The following STXBP6 variants were observed in gnomAD, a reference collection of about 807,000 sequenced individuals.
STXBP6 encodes syntaxin binding protein 6, also known as syntaxin-binding protein 6.
Under a neutral mutation model 26.9 loss-of-function variants are expected in STXBP6, and 21 were observed. That is an observed-to-expected ratio of 0.78 (90% CI 0.55 to 1.12). The LOEUF (loss-of-function observed/expected upper bound fraction) is 1.12, where lower values mean the gene tolerates loss of function less well. Among genes scored for constraint, STXBP6 ranks in the 50% most tolerant of loss-of-function variants. The pLI is 0.00. For synonymous variants in STXBP6, 97 were observed against 92.6 expected, an observed-to-expected ratio of 1.05 and a Z score of -0.27; for missense variants, 232 against 257.9, an observed-to-expected ratio of 0.90 and a Z score of 0.69.
chr14:24,951,874 T>C (rs181667364), intron 2 of STXBP6, among the ~76,000 whole-genome samples: 6 of 152,160 alleles, frequency 3.9e-5, no homozygotes, highest in African/African-American at 1.4e-4. Context: ...GAAAAACAAT[T>C]TTTATACTTT....
At chr14:25,010,450 T>C (rs2075002675) in intron 1 of STXBP6, 1 of 152,234 alleles carries the variant, frequency 6.6e-6, no homozygotes, top group Admixed American at 6.5e-5. Context: ...ATTTTATACT[T>C]AAATAAATAA....
chr14:24,991,539 T>G (rs540323393), intron 1 of STXBP6, among the ~76,000 whole-genome samples: 1 of 152,178 alleles, frequency 6.6e-6, no homozygotes, highest in Non-Finnish European at 1.5e-5. Context: ...CAGAGAACTT[T>G]CATTGCCTGT....
chr14:24,863,877 C>T (rs2069627775), intron 2 of STXBP6, among the ~76,000 whole-genome samples: 1 of 152,076 alleles, frequency 6.6e-6, no homozygotes, highest in African/African-American at 2.4e-5. Flanking sequence ...TTAGTTATTG[C>T]AAACTAATAG....
intron 4 of STXBP6, among the ~76,000 whole-genome samples, chr14:24,830,271 T>A (rs1337580536): frequency 6.6e-6 from 1 of 151,912 alleles, no homozygotes; most frequent in Non-Finnish European, 1.5e-5. Flanking sequence ...CCAAGATAAT[T>A]TTTGGAAATT....
At chr14:25,009,310 A>C (rs2094159575) in intron 1 of STXBP6, among the ~76,000 whole-genome samples, 1 of 152,192 alleles carries the variant, frequency 6.6e-6, no homozygotes, top group African/African-American at 2.4e-5. Flanking sequence ...GAAGCTTCAA[A>C]TATTATTTAA....
intron 4 of STXBP6, among the ~76,000 whole-genome samples, chr14:24,847,627 T>C (rs543754888): frequency 6.6e-6 from 1 of 152,292 alleles, no homozygotes; most frequent in East Asian, 1.9e-4. Flanking sequence ...TCTAACAATG[T>C]TAAGTAATTT....
At chr14:24,935,138 T>C (rs1350749554) in intron 2 of STXBP6, among the ~76,000 whole-genome samples, 2 of 152,108 alleles carry the variant, frequency 1.3e-5, no homozygotes, top group Non-Finnish European at 2.9e-5. Flanking sequence ...TAGCACTGAA[T>C]TAAAATCCTT....
chr14:24,957,275 T>C (rs1291346303), intron 2 of STXBP6, among the ~76,000 whole-genome samples: 1 of 152,182 alleles, frequency 6.6e-6, no homozygotes, highest in African/African-American at 2.4e-5. Flanking sequence ...TGAAGGACAC[T>C]TGTAAGCATC....
In STXBP6 at chr14:24,897,263, A is replaced by G. The variant is rs559066468; in HGVS notation, c.155-40106T>C. ...GTCTCTACTAAAAATACATAAAATT[A>G]GCCAGGCGTGGTGGTGGGCGCCTTT... On this transcript the variant is annotated intron_variant, in intron 2 of 5. Transcript: ENST00000323944. 5.3e-5 allele frequency among the ~76,000 whole-genome samples: 8 copies of G among 151,982 alleles called. No homozygotes were observed. The South Asian group carries it at 1.0e-3, about 20-fold the overall frequency.
At chr14:24,996,562 T>A (rs1029341738) in intron 1 of STXBP6, among the ~76,000 whole-genome samples, 2 of 151,236 alleles carry the variant, frequency 1.3e-5, no homozygotes, top group Non-Finnish European at 2.9e-5. Flanking sequence ...AATAAAAAAT[T>A]AAAAATAAAA....
At chr14:25,000,884 T>C (rs2074744893) in intron 1 of STXBP6, among the ~76,000 whole-genome samples, 1 of 151,780 alleles carries the variant, frequency 6.6e-6, no homozygotes, top group African/African-American at 2.4e-5. Context: ...CCAGTTTTAT[T>C]TTACTACAGC....
intron 1 of STXBP6, among the ~76,000 whole-genome samples, chr14:25,006,752 A>G (rs1177980131): frequency 2.0e-5 from 3 of 152,218 alleles, no homozygotes; most frequent in African/African-American, 4.8e-5. Context: ...GAGGCCCTCA[A>G]TGATTCCATG....
chr14:25,026,257 T>C (rs910448624), intron 1 of STXBP6, among the ~76,000 whole-genome samples: 5 of 152,098 alleles, frequency 3.3e-5, no homozygotes, highest in African/African-American at 7.2e-5. Flanking sequence ...CTTACTTGCA[T>C]ACCTCAAAAA....
At position 24,909,953 on chromosome 14, in the gene STXBP6, G is replaced by A. The variant is rs149133293; in HGVS notation, c.155-52796C>T. ...GACCTTGAGTGAGTCACCTTAATTT[G>A]GGCCGTAGTTTCCTCATGTGTAAAA... On this transcript the variant is annotated intron_variant, in intron 2 of 5. Coordinates refer to ENST00000323944, the MANE Select transcript of STXBP6 (RefSeq NM_001394410.1). Among the ~76,000 whole-genome samples, 9 of 151,824 alleles carry A rather than the reference G, an allele frequency of 5.9e-5. No individual in the cohort carries two copies. The East Asian group carries it at 1.8e-3, about 30-fold the overall frequency.
At chr14:24,856,378 A>G (rs1217186342) in intron 3 of STXBP6, among the ~76,000 whole-genome samples, 1 of 152,130 alleles carries the variant, frequency 6.6e-6, no homozygotes, top group African/African-American at 2.4e-5. Flanking sequence ...ACCATGTATT[A>G]TCTTCCCAAT....
chr14:24,815,198 C>T (rs1269405319), intron 5 of STXBP6, among the ~76,000 whole-genome samples: 1 of 152,060 alleles, frequency 6.6e-6, no homozygotes, highest in Admixed American at 6.6e-5. Flanking sequence ...ACCTCAGCCT[C>T]CTCTTATGTC....
chr14:25,045,774 G>T lies in STXBP6; in HGVS notation c.-33+4104C>A, dbSNP rs553278796. 5.0e-4 allele frequency among the ~76,000 whole-genome samples: 76 copies of T among 151,664 alleles called. 1 individual carries two copies. In the South Asian group the frequency reaches 0.015, roughly 30 times the overall value. On this transcript the variant is annotated intron_variant, in intron 1 of 5. Transcript: ENST00000323944. Reference sequence around the variant, plus strand: ...GCCCACCACCACATCCAGCTAATTTGTTTTTGTATTTTTAGTAGAGACAGG... The same window carrying T: ...GCCCACCACCACATCCAGCTAATTTTTTTTTGTATTTTTAGTAGAGACAGG...
chr14:24,844,595 A>G (rs2068891027), intron 4 of STXBP6, among the ~76,000 whole-genome samples: 1 of 152,154 alleles, frequency 6.6e-6, no homozygotes, highest in Non-Finnish European at 1.5e-5. Context: ...GGTGTGGAAA[A>G]CCCACATAGC....
At chr14:24,895,985 A>G (rs987937610) in intron 2 of STXBP6, among the ~76,000 whole-genome samples, 5 of 152,252 alleles carry the variant, frequency 3.3e-5, no homozygotes, top group African/African-American at 1.2e-4. Context: ...CAAAATCATT[A>G]TTAGACACCA....
Sources: allele counts gnomAD v4.1 joint callset (sites outside exome capture counted in the v4.1 genomes callset), GRCh38; gene constraint gnomAD v4.1.1; transcripts MANE v1.5; gene names NCBI Gene and HGNC (gene_info 2026-07-23, HGNC 2026-07-21).